Variants in DENND4A observed in about 807,000 individuals in gnomAD.
DENND4A encodes the protein C-myc promoter-binding protein.
DENND4A carries 70 observed loss-of-function variants against 199.3 expected under a neutral mutation model. The observed-to-expected ratio is 0.35, with a 90% CI of 0.29 to 0.43. The LOEUF is 0.43. Among genes scored for constraint, DENND4A ranks in the 20% least tolerant of loss-of-function variants. DENND4A has a pLI of 1.00. For synonymous variants in DENND4A, 686 were observed against 766.9 expected (o/e 0.89, Z 1.74); for missense variants, 1,723 against 2,255.8 (o/e 0.76, Z 4.78).
intron 14 of DENND4A, among the ~76,000 whole-genome samples, chr15:65,710,584 A>C (rs1002213551): frequency 1.3e-5 from 2 of 151,076 alleles, no homozygotes; most frequent in Non-Finnish European, 3.0e-5. Context: ...CTTTATATAC[A>C]AAAAAAAACC....
intron 3 of DENND4A, among the ~76,000 whole-genome samples, chr15:65,752,868 G>A (rs2076605197): frequency 6.6e-6 from 1 of 152,008 alleles, no homozygotes; most frequent in African/African-American, 2.4e-5. Flanking sequence ...ACCAGAGAAA[G>A]GTACAATTAA....
At chr15:65,739,876 G>A (rs546754982) in intron 5 of DENND4A, among the ~76,000 whole-genome samples, 1 of 152,232 alleles carries the variant, frequency 6.6e-6, no homozygotes, top group South Asian at 2.1e-4. Context: ...CATAAAGTAA[G>A]TATAGAAATA....
At position 65,720,950 on chromosome 15, in the gene DENND4A, TATATATA is replaced by T. The variant is rs1567043874; in HGVS notation, c.1588+1891_1588+1897del. Among the ~76,000 whole-genome samples, 7 of 30,350 alleles carry T rather than the reference TATATATA, an allele frequency of 2.3e-4. 1 individual carries two copies. The highest frequency in any genetic ancestry group is 5.8e-4 in the African/African-American group (7 of 12,084). The allele number at this position is 30,350 out of a possible 152,430, so 19.9% of individuals were successfully genotyped here. On this transcript the variant is annotated intron_variant, in intron 12 of 32. Coordinates refer to ENST00000443035, the MANE Select transcript of DENND4A (RefSeq NM_001320835.1). The stretch of plus-strand genomic sequence containing the variant: ...GTTGAATGGGCTGTTTCATTGATTA[TATATATA>T]TATATATATATATATATATATATAT...
chr15:65,782,084 T>G (rs1369782869), intron 1 of DENND4A, among the ~76,000 whole-genome samples: 1 of 152,224 alleles, frequency 6.6e-6, no homozygotes, highest in African/African-American at 2.4e-5. Context: ...TACAGACAAC[T>G]CTATTTTCTC....
chr15:65,671,783 A>C lies in DENND4A; in HGVS notation c.4464+9T>G, dbSNP rs767118151. Reference sequence around the variant, plus strand: ...GTATATGAAGATTCTCTTTTGCACAAAAGTGTACCTCCATTGCATAGTTCT... The same window carrying C: ...GTATATGAAGATTCTCTTTTGCACACAAGTGTACCTCCATTGCATAGTTCT... On this transcript the variant is annotated intron_variant, in intron 25 of 32. Coordinates refer to ENST00000443035, the MANE Select transcript of DENND4A (RefSeq NM_001320835.1). 2 of 1,544,376 alleles carry C rather than the reference A, an allele frequency of 1.3e-6. No individual in the cohort carries two copies. Among genetic ancestry groups the C allele is most frequent in the Non-Finnish European group, 1.8e-6 (2 of 1,116,322 alleles).
chr15:65,687,634 T>C, intron 23 of DENND4A, among the ~76,000 whole-genome samples: 1 of 152,232 alleles, frequency 6.6e-6, no homozygotes, highest in East Asian at 1.9e-4. Flanking sequence ...TCACTGGATA[T>C]AAAATTCTGA....
intron 1 of DENND4A, among the ~76,000 whole-genome samples, chr15:65,781,584 T>A (rs1321481904): frequency 1.3e-5 from 2 of 152,180 alleles, no homozygotes; most frequent in African/African-American, 2.4e-5. Context: ...AAATCATGAA[T>A]GATTCCAAAG....
intron 4 of DENND4A, among the ~76,000 whole-genome samples, chr15:65,752,071 G>A (rs1030109940): frequency 3.2e-5 from 4 of 124,088 alleles, no homozygotes; most frequent in African/African-American, 6.1e-5. Context: ...ATCTAGTCCC[G>A]TTGAGGTGTG....
At chr15:65,680,832 T>A (rs896244267) in intron 23 of DENND4A, 26 of 152,220 alleles carry the variant, frequency 1.7e-4, no homozygotes, top group Non-Finnish European at 3.2e-4. Context: ...CAGCATTATG[T>A]CTAAAAAATG....
At chr15:65,752,833 C>T (rs2076604108) in intron 3 of DENND4A, among the ~76,000 whole-genome samples, 1 of 152,080 alleles carries the variant, frequency 6.6e-6, no homozygotes, top group African/African-American at 2.4e-5. Context: ...AAAATTCTGA[C>T]AAACCATTGT....
At chr15:65,725,205 C>T (rs2075766136) in intron 11 of DENND4A, among the ~76,000 whole-genome samples, 1 of 152,112 alleles carries the variant, frequency 6.6e-6, no homozygotes, top group African/African-American at 2.4e-5. Flanking sequence ...TACAAGATTA[C>T]TACATTATTT....
chr15:65,740,479 G>A (rs906544199), intron 5 of DENND4A, among the ~76,000 whole-genome samples: 2 of 150,776 alleles, frequency 1.3e-5, no homozygotes, highest in East Asian at 1.9e-4. Context: ...AGCCAGGCAC[G>A]GTGGCACATG....
intron 1 of DENND4A, among the ~76,000 whole-genome samples, chr15:65,777,090 C>T (rs2140934035): frequency 6.6e-6 from 1 of 152,246 alleles, no homozygotes; most frequent in South Asian, 2.1e-4. Context: ...ATCACTTGAA[C>T]CCGGGAAGCG....
chr15:65,784,178 C>G (rs1230940935), intron 1 of DENND4A, among the ~76,000 whole-genome samples: 1 of 152,054 alleles, frequency 6.6e-6, no homozygotes, highest in Non-Finnish European at 1.5e-5. Flanking sequence ...CTACAAAATC[C>G]CTGACCAATA....
rs561593646 is a variant in DENND4A, at chr15:65,756,485, TAA to T, written c.-22-15_-22-14del. 2.9e-4 allele frequency: 452 copies of T among 1,550,050 alleles called. 3 individuals are homozygous for T. Among genetic ancestry groups the T allele is most frequent in the Non-Finnish European group, 3.5e-4 (408 of 1,150,792 alleles). ...CAGAAGGTTACATCTAAAAGGAAAGTAAAAGACTAGTACTCCCCTATAATAAG... is the reference window on the plus strand; with the variant it reads ...CAGAAGGTTACATCTAAAAGGAAAGTAAGACTAGTACTCCCCTATAATAAG... On this transcript the variant is annotated splice_polypyrimidine_tract_variant and intron_variant, in intron 2 of 32. Transcript: ENST00000443035.
intron 1 of DENND4A, among the ~76,000 whole-genome samples, chr15:65,785,731 G>C (rs8035725): frequency 6.6e-6 from 1 of 151,686 alleles, no homozygotes; most frequent in African/African-American, 2.4e-5. Context: ...ACTTCCTCAT[G>C]GTCTCAGAAA....
chr15:65,672,869 A>ATT (rs71447853), intron 24 of DENND4A, among the ~76,000 whole-genome samples: 232 of 146,308 alleles, frequency 1.6e-3, no homozygotes, highest in Non-Finnish European at 1.6e-3. Context: ...GAGTACTGGT[A>ATT]TTTTTTTTTT....
chr15:65,688,654 C>T (rs903939905), intron 23 of DENND4A, among the ~76,000 whole-genome samples: 2 of 152,176 alleles, frequency 1.3e-5, no homozygotes, highest in African/African-American at 4.8e-5. Flanking sequence ...ATGGGATTCC[C>T]CTCAAACTTT....
chr15:65,752,312 AAGATGTATT>A, intron 4 of DENND4A, 58 bp downstream of exon 4: 1 of 371,362 alleles, frequency 2.7e-6, no homozygotes, highest in Non-Finnish European at 4.1e-6. Context: ...AAAAAAAAAA[AAGATGTATT>A]TAAAATTATG....
Sources: gnomAD v4.1 joint callset for allele counts (sites outside exome capture counted in the v4.1 genomes callset) on GRCh38, gnomAD v4.1.1 for gene constraint, MANE v1.5 for transcripts, NCBI Gene and HGNC (gene_info 2026-07-23, HGNC 2026-07-21) for gene names.